ANGPT1: variants seen among roughly 807,000 people sequenced by gnomAD.
ANGPT1 encodes the protein angiopoietin 1, also known as angiopoietin-1.
In ANGPT1, 17 loss-of-function variants were observed where a neutral mutation model predicts 62.2. The ratio of observed to expected loss-of-function variants is 0.27; its 90% CI spans 0.19 to 0.41. The LOEUF (loss-of-function observed/expected upper bound fraction) is 0.41. ANGPT1 is among the 10% of genes least tolerant of loss of function. The probability of loss-of-function intolerance (pLI) is 1.00; values close to 1 mark genes in which losing one functional copy is unlikely to be tolerated. For synonymous variants in ANGPT1, 199 were observed against 198.9 expected (o/e 1.00, Z 0.00); for missense variants, 478 against 594.9 (o/e 0.80, Z 2.04).
At chr8:107,262,002 C>G (rs1216846131) in intron 8 of ANGPT1, among the ~76,000 whole-genome samples, 3 of 152,018 alleles carry the variant, frequency 2.0e-5, no homozygotes, top group Non-Finnish European at 4.4e-5. Flanking sequence ...CGAGACCAGC[C>G]TGGTTGACAT....
intron 1 of ANGPT1, among the ~76,000 whole-genome samples, chr8:107,412,682 C>T (rs1810619976): frequency 6.6e-6 from 1 of 152,116 alleles, no homozygotes; most frequent in South Asian, 2.1e-4. Context: ...AATACATCCC[C>T]TGCCTTCATT....
intron 1 of ANGPT1, among the ~76,000 whole-genome samples, chr8:107,363,634 G>C (rs1050760421): frequency 6.6e-6 from 1 of 152,110 alleles, no homozygotes; most frequent in Non-Finnish European, 1.5e-5. Flanking sequence ...AGTATTGTTT[G>C]AGGATTAAAT....
rs1047613253 is a variant in ANGPT1 at position 107,407,310 on chromosome 8, T to G, written c.298-60213A>C. On this transcript the variant is annotated intron_variant, in intron 1 of 8. Coordinates refer to ENST00000517746, the MANE Select transcript of ANGPT1 (RefSeq NM_001146.5). ...TTGCTGGCAGCCCTTTATAAAATGA[T>G]AGAATACCAAAATGCATAATTCAAA... is the stretch of plus-strand genomic sequence containing the variant. Among the ~76,000 whole-genome samples the G allele has an allele frequency of 6.6e-5, 10 of 151,978 alleles. No homozygotes were observed. The East Asian group carries it at 1.5e-3, about 24-fold the overall frequency.
At chr8:107,405,614 C>A (rs1817134079) in intron 1 of ANGPT1, among the ~76,000 whole-genome samples, 1 of 151,868 alleles carries the variant, frequency 6.6e-6, no homozygotes, top group Non-Finnish European at 1.5e-5. Context: ...AGATTTGGGT[C>A]CCATTCCCAA....
chr8:107,347,399 C>T (rs1374277915), intron 1 of ANGPT1, among the ~76,000 whole-genome samples: 2 of 151,144 alleles, frequency 1.3e-5, no homozygotes, highest in African/African-American at 2.5e-5. Flanking sequence ...AGATGTATCA[C>T]AGTCAGCTTT....
chr8:107,385,485 C>T (rs373460552), intron 1 of ANGPT1, among the ~76,000 whole-genome samples: 1 of 151,982 alleles, frequency 6.6e-6, no homozygotes, highest in African/African-American at 2.4e-5. Flanking sequence ...GATTTTGTAT[C>T]CTGAAACTTT....
At chr8:107,372,780 C>T (rs934960130) in intron 1 of ANGPT1, among the ~76,000 whole-genome samples, 3 of 151,360 alleles carry the variant, frequency 2.0e-5, no homozygotes, top group South Asian at 2.1e-4. Flanking sequence ...AGTAGCTCAC[C>T]GACATTACAT....
At chr8:107,427,077 C>T (rs952093202) in intron 1 of ANGPT1, among the ~76,000 whole-genome samples, 1 of 152,190 alleles carries the variant, frequency 6.6e-6, no homozygotes, top group African/African-American at 2.4e-5. Context: ...TGGGTCCACA[C>T]TCTGTTCCCC....
At chr8:107,336,526 G>A in intron 2 of ANGPT1, 1 of 326,506 alleles carries the variant, frequency 3.1e-6, no homozygotes, top group Non-Finnish European at 5.0e-6. Flanking sequence ...TTAGCCGGGC[G>A]TGGTAGCGGG....
chr8:107,266,844 A>G (rs947575784), intron 7 of ANGPT1, among the ~76,000 whole-genome samples: 2 of 152,272 alleles, frequency 1.3e-5, no homozygotes, highest in South Asian at 2.1e-4. Flanking sequence ...ACCCTTTCAC[A>G]TAAGATTTAC....
intron 1 of ANGPT1, among the ~76,000 whole-genome samples, chr8:107,437,865 T>G (rs1811370746): frequency 1.3e-5 from 2 of 152,124 alleles, no homozygotes; most frequent in South Asian, 4.2e-4. Flanking sequence ...ATTCAGTGTT[T>G]CTAAAATGCA....
At chr8:107,320,236 A>G (rs181767355) in intron 4 of ANGPT1, among the ~76,000 whole-genome samples, 6 of 152,264 alleles carry the variant, frequency 3.9e-5, no homozygotes, top group African/African-American at 1.2e-4. Flanking sequence ...CCTAGCCAGA[A>G]TGTTTACTTC....
intron 5 of ANGPT1, among the ~76,000 whole-genome samples, chr8:107,298,092 G>A (rs1465724500): frequency 2.0e-5 from 3 of 151,768 alleles, no homozygotes; most frequent in Non-Finnish European, 4.4e-5. Flanking sequence ...GACTGAACTG[G>A]CTCCTATCCC....
intron 4 of ANGPT1, among the ~76,000 whole-genome samples, chr8:107,309,890 TTAAA>T (rs1226992035): frequency 6.6e-6 from 1 of 152,152 alleles, no homozygotes; most frequent in Non-Finnish European, 1.5e-5. Flanking sequence ...CATTCTATTC[TTAAA>T]TACTCTTAAT....
chr8:107,329,844 A>C (rs1815379547), intron 3 of ANGPT1, among the ~76,000 whole-genome samples: 1 of 152,086 alleles, frequency 6.6e-6, no homozygotes, highest in African/African-American at 2.4e-5. Context: ...AATAAAACAC[A>C]TTCTCTGTGT....
chr8:107,267,406 A>C (rs969175932), intron 7 of ANGPT1, among the ~76,000 whole-genome samples: 1 of 152,162 alleles, frequency 6.6e-6, no homozygotes, highest in African/African-American at 2.4e-5. Flanking sequence ...TATAGGTATT[A>C]GGATTACAAT....
chr8:107,444,739 G>A (rs1811569507), intron 1 of ANGPT1, among the ~76,000 whole-genome samples: 1 of 152,086 alleles, frequency 6.6e-6, no homozygotes, highest in African/African-American at 2.4e-5. Context: ...AATGATGAGA[G>A]TGAAAAAATC....
At chr8:107,464,563 T>A (rs1812153074) in intron 1 of ANGPT1, among the ~76,000 whole-genome samples, 1 of 152,102 alleles carries the variant, frequency 6.6e-6, no homozygotes, top group Non-Finnish European at 1.5e-5. Flanking sequence ...TAGGAGCGGA[T>A]CTAGAAAAAT....
At chr8:107,487,612 C>T (rs1812848154) in intron 1 of ANGPT1, among the ~76,000 whole-genome samples, 1 of 152,090 alleles carries the variant, frequency 6.6e-6, no homozygotes, top group African/African-American at 2.4e-5. Flanking sequence ...GGCTGCCTCA[C>T]TTGATTGTCC....
Sources: gnomAD v4.1 joint callset for allele counts (sites outside exome capture counted in the v4.1 genomes callset) on GRCh38, gnomAD v4.1.1 for gene constraint, MANE v1.5 for transcripts, NCBI Gene and HGNC (gene_info 2026-07-23, HGNC 2026-07-21) for gene names.